The following BAHCC1 variants were observed in gnomAD, a reference collection of about 807,000 sequenced individuals.
BAHCC1 encodes BAH and coiled-coil domain-containing protein 1.
BAHCC1 carries 43 observed loss-of-function variants against 88.2 expected under a neutral mutation model. The observed-to-expected ratio is 0.49, with a 90% CI of 0.38 to 0.63. The LOEUF (loss-of-function observed/expected upper bound fraction) is 0.63, where lower values mean the gene tolerates loss of function less well. BAHCC1 is among the 20% of genes least tolerant of loss of function. The probability of loss-of-function intolerance (pLI) is 0.00; values close to 1 mark genes in which losing one functional copy is unlikely to be tolerated. For synonymous variants in BAHCC1, 1,510 were observed against 745.5 expected, an observed-to-expected ratio of 2.03 and a Z score of -16.71; for missense variants, 3,023 against 1,654.8, an observed-to-expected ratio of 1.83 and a Z score of -14.34.
At chr17:81,412,381 G>A (rs1057438860) in intron 2 of BAHCC1, among the ~76,000 whole-genome samples, 6 of 152,272 alleles carry the variant, frequency 3.9e-5, no homozygotes, top group African/African-American at 1.2e-4. Context: ...CTTAGTGTGT[G>A]TAAATACAGA....
chr17:81,399,823 G>A lies in BAHCC1; in HGVS notation c.84G>A (p.Ala28=). The A allele has an allele frequency of 7.5e-7, 1 of 1,328,734 alleles. No homozygotes were observed. The highest frequency in any genetic ancestry group is 9.6e-7 in the Non-Finnish European group (1 of 1,041,026). 82.3% of individuals were successfully genotyped at this position (1,328,734 alleles called of 1,614,324 possible). ...SLGHRSAAAA[A]RLAPAGPAAQ... is the part of the protein sequence containing the mutation. The stretch of plus-strand genomic sequence containing the variant: ...GCCACCGCAGCGCCGCTGCCGCCGC[G>A]CGTCTCGCCCCGGCTGGGCCCGCCG... Residue 28 remains alanine, a synonymous_variant, in exon 2 of 28, where the codon GCG becomes GCA. Coordinates refer to ENST00000675386, the MANE Select transcript of BAHCC1 (RefSeq NM_001377448.1). This position sits in a 1 kb window ranked among gnomAD's most constrained non-coding sequence, Gnocchi z 4.5.
chr17:81,460,198 C>A, intron 23 of BAHCC1, 79 bp from the exon 24 acceptor site: 1 of 690,544 alleles, frequency 1.4e-6, no homozygotes. Flanking sequence ...ACCCTCCCCA[C>A]CGGCTTTGGC....
At chr17:81,458,553 T>C (rs563560451) in intron 18 of BAHCC1, 68 bp from the exon 19 acceptor site, 4 of 492,414 alleles carry the variant, frequency 8.1e-6, no homozygotes, top group East Asian at 6.2e-5. Flanking sequence ...CGCTGGCCCC[T>C]GAGCTCTGGG....
chr17:81,446,955 G>A, intron 10 of BAHCC1, 81 bp from the exon 11 acceptor site: 1 of 752,950 alleles, frequency 1.3e-6, no homozygotes, highest in Non-Finnish European at 2.4e-6. Flanking sequence ...GAGGGTTCGA[G>A]GCCACTGTCC....
At chr17:81,421,026 C>T (rs552464755) in intron 2 of BAHCC1, among the ~76,000 whole-genome samples, 2 of 152,362 alleles carry the variant, frequency 1.3e-5, no homozygotes, top group South Asian at 2.1e-4. Context: ...GGCGGGCCCA[C>T]GACCGACCTT....
In BAHCC1 at chr17:81,443,554, C is replaced by G. The variant is rs572695756; in HGVS notation, c.2205C>G (p.Pro735=). The G allele has an allele frequency of 3.1e-6, 2 of 642,684 alleles. No homozygotes were observed. The highest frequency in any genetic ancestry group is 1.7e-5 in the South Asian group (1 of 58,904). The allele number at this position is 642,684 out of a possible 1,614,324, so 39.8% of individuals were successfully genotyped here. Residue 735 remains proline (P), a synonymous_variant, in exon 5 of 28, where the codon CCC becomes CCG. Transcript: ENST00000675386. Reference sequence around the variant, plus strand: ...CTGCGCGGCAGGGCCGGGCCGCCCCCGCCTTCAAAGGTACAGGCCCTGCAC... The same window carrying G: ...CTGCGCGGCAGGGCCGGGCCGCCCCGGCCTTCAAAGGTACAGGCCCTGCAC... The part of the protein sequence containing the change: ...TNTARQGRAA[P]AFKGGGGPRS...
chr17:81,455,768 C>T (rs965483602), intron 15 of BAHCC1, among the ~76,000 whole-genome samples: 65 of 151,814 alleles, frequency 4.3e-4, no homozygotes, highest in Non-Finnish European at 3.4e-4. Context: ...CACCCCCTTT[C>T]TTCTTGGTGT....
chr17:81,455,169 G>A (rs2064723726), intron 14 of BAHCC1, 98 bp from the exon 15 acceptor site: 2 of 651,314 alleles, frequency 3.1e-6, no homozygotes, highest in Non-Finnish European at 5.6e-6. Flanking sequence ...CTTGGAGGAG[G>A]GTGACCCACA....
At chr17:81,415,005 G>A (rs573356650) in intron 2 of BAHCC1, among the ~76,000 whole-genome samples, 7 of 152,280 alleles carry the variant, frequency 4.6e-5, no homozygotes, top group East Asian at 3.9e-4. Flanking sequence ...TACTGTCCTC[G>A]CCAGCAGCCG....
At chr17:81,422,856 G>A (rs1055496111) in intron 2 of BAHCC1, 1 of 371,420 alleles carries the variant, frequency 2.7e-6, no homozygotes, top group Non-Finnish European at 5.3e-6. Flanking sequence ...GAAGGCCTGG[G>A]GGACTCGAGG....
intron 2 of BAHCC1, chr17:81,402,466 T>G (rs1845331701): frequency 6.6e-6 from 1 of 152,254 alleles, no homozygotes; most frequent in South Asian, 2.1e-4. Flanking sequence ...TTAAACAATT[T>G]TTTTGCGTCT....
At chr17:81,430,090 C>T (rs1242531957) in intron 3 of BAHCC1, among the ~76,000 whole-genome samples, 10 of 151,898 alleles carry the variant, frequency 6.6e-5, no homozygotes, top group South Asian at 2.1e-4. Flanking sequence ...GGGCGGGAGG[C>T]GGAACTGGCC....
At chr17:81,430,512 C>T (rs1479154528) in intron 3 of BAHCC1, among the ~76,000 whole-genome samples, 1 of 152,226 alleles carries the variant, frequency 6.6e-6, no homozygotes, top group Non-Finnish European at 1.5e-5. Flanking sequence ...GCACTCCCTG[C>T]CAACGGAGCC....
At chr17:81,398,667 T>C (rs1488106307) in intron 1 of BAHCC1, among the ~76,000 whole-genome samples, 2 of 151,834 alleles carry the variant, frequency 1.3e-5, no homozygotes, top group African/African-American at 2.4e-5. Context: ...GCGAATTTGA[T>C]TGGGGGGCGG....
chr17:81,460,916 G>C lies in BAHCC1; in HGVS notation c.6253G>C (p.Asp2085His). The stretch of plus-strand genomic sequence containing the variant: ...TGCCAAATCCCCCACGGGGGCCTCC[G>C]ACCACTTCCTGGGCCGCCGTGGCAG... ...SGAKSPTGAS[D>H]HFLGRRGSPL... is the part of the protein sequence containing the mutation. Residue 2085 changes from aspartate to histidine, a missense_variant, in exon 26 of 28, where the codon GAC (aspartate) becomes CAC (histidine). Coordinates refer to ENST00000675386, the MANE Select transcript of BAHCC1 (RefSeq NM_001377448.1). The C allele has an allele frequency of 1.3e-6, 1 of 768,424 alleles. No individual in the cohort carries two copies. Among genetic ancestry groups the C allele is most frequent in the South Asian group, 1.3e-5 (1 of 74,612 alleles). 47.6% of individuals were successfully genotyped at this position (768,424 alleles called of 1,614,324 possible).
intron 3 of BAHCC1, among the ~76,000 whole-genome samples, chr17:81,436,620 C>T (rs2064340442): frequency 6.6e-6 from 1 of 152,064 alleles, no homozygotes; most frequent in African/African-American, 2.4e-5. Flanking sequence ...CCACCCCGTC[C>T]CTCTCAGCTT....
chr17:81,462,491 G>A, intron 26 of BAHCC1: 1 of 550,504 alleles, frequency 1.8e-6, no homozygotes, highest in East Asian at 3.0e-5. Flanking sequence ...ACATGTCCCT[G>A]TCCCAGATCC....
chr17:81,400,315 G>C (rs1318594290), intron 2 of BAHCC1, among the ~76,000 whole-genome samples: 1 of 152,234 alleles, frequency 6.6e-6, no homozygotes, highest in African/African-American at 2.4e-5. Flanking sequence ...AAACAAAACG[G>C]CTGTTGTGGC....
intron 4 of BAHCC1, among the ~76,000 whole-genome samples, chr17:81,440,088 C>G (rs2064390278): frequency 6.6e-6 from 1 of 152,176 alleles, no homozygotes; most frequent in African/African-American, 2.4e-5. Context: ...CAGCTCTCAC[C>G]CAGGACAGGC....
Sources: allele counts gnomAD v4.1 joint callset (sites outside exome capture counted in the v4.1 genomes callset), GRCh38; gene constraint gnomAD v4.1.1; non-coding constraint Gnocchi (gnomAD v3.1); transcripts MANE v1.5; gene names NCBI Gene and HGNC (gene_info 2026-07-23, HGNC 2026-07-21).